The following DPH5 variants were observed in gnomAD, a reference collection of about 807,000 sequenced individuals.
DPH5 encodes the protein diphthine methyl ester synthase.
In DPH5, 31 loss-of-function variants were observed where a neutral mutation model predicts 31.6. The ratio of observed to expected loss-of-function variants is 0.98; its 90% CI spans 0.74 to 1.32. The LOEUF (loss-of-function observed/expected upper bound fraction) is 1.32, where lower values mean the gene tolerates loss of function less well. DPH5 is among the 40% of genes most tolerant of loss of function. The probability of loss-of-function intolerance (pLI) is 0.00; values close to 1 mark genes in which losing one functional copy is unlikely to be tolerated. For missense variants in DPH5, 309 were observed against 335.7 expected, an observed-to-expected ratio of 0.92 and a Z score of 0.62; for synonymous variants, 120 against 115.0, an observed-to-expected ratio of 1.04 and a Z score of -0.28.
intron 7 of DPH5, 26 bp downstream of exon 7, chr1:100,992,608 TATG>T: frequency 1.3e-6 from 2 of 1,513,920 alleles, no homozygotes; most frequent in Middle Eastern, 3.4e-4. Flanking sequence ...AGAGGAATAA[TATG>T]AGAGCCCTTC....
At chr1:101,022,616 A>C (rs1660539941) in intron 2 of DPH5, among the ~76,000 whole-genome samples, 1 of 152,220 alleles carries the variant, frequency 6.6e-6, no homozygotes, top group Non-Finnish European at 1.5e-5. Context: ...ATTCAAATGG[A>C]GTAAAACTGG....
At chr1:101,020,179 C>T (rs941304734) in intron 3 of DPH5, among the ~76,000 whole-genome samples, 3 of 152,132 alleles carry the variant, frequency 2.0e-5, no homozygotes, top group Non-Finnish European at 4.4e-5. Context: ...ATTCTTCCTT[C>T]TACCTTTCTC....
At chr1:101,024,026 G>C (rs546331411) in intron 2 of DPH5, among the ~76,000 whole-genome samples, 1 of 152,238 alleles carries the variant, frequency 6.6e-6, no homozygotes, top group South Asian at 2.1e-4. Flanking sequence ...ACTGATTAGA[G>C]ACGCACATTT....
At chr1:100,998,398 C>T (rs1477259192) in intron 5 of DPH5, among the ~76,000 whole-genome samples, 3 of 151,656 alleles carry the variant, frequency 2.0e-5, no homozygotes, top group Non-Finnish European at 4.4e-5. Flanking sequence ...GTAATCCCAG[C>T]CTCAGGAGGC....
intron 6 of DPH5, among the ~76,000 whole-genome samples, chr1:100,994,580 G>A (rs1456077688): frequency 6.6e-6 from 1 of 151,222 alleles, no homozygotes; most frequent in Non-Finnish European, 1.5e-5. Context: ...AGGCTGGAGT[G>A]CAGTGGCGTG....
chr1:100,997,041 C>A (rs1658413813), intron 5 of DPH5, among the ~76,000 whole-genome samples: 1 of 152,184 alleles, frequency 6.6e-6, no homozygotes, highest in South Asian at 2.1e-4. Flanking sequence ...CATTGTTTAA[C>A]CTTGTTTGTC....
intron 5 of DPH5, among the ~76,000 whole-genome samples, chr1:100,997,367 C>G (rs1394327877): frequency 6.7e-6 from 1 of 149,236 alleles, no homozygotes; most frequent in African/African-American, 2.5e-5. Flanking sequence ...TCCTTCCTAT[C>G]TTTTTTTTTT....
intron 2 of DPH5, 76 bp downstream of exon 2, chr1:101,025,233 C>G (rs1048517152): frequency 6.4e-7 from 1 of 1,558,566 alleles, no homozygotes; most frequent in Non-Finnish European, 8.7e-7. Flanking sequence ...CCTGAAAATT[C>G]TGTTCAGCTT....
chr1:101,001,120 T>C (rs748891747), intron 5 of DPH5, among the ~76,000 whole-genome samples: 3 of 152,220 alleles, frequency 2.0e-5, no homozygotes, highest in Non-Finnish European at 4.4e-5. Flanking sequence ...CCTAGGAAGA[T>C]GCAGGATGGT....
chr1:101,019,622 C>T (rs1400968517), intron 3 of DPH5, among the ~76,000 whole-genome samples: 1 of 152,054 alleles, frequency 6.6e-6, no homozygotes, highest in African/African-American at 2.4e-5. Flanking sequence ...ATATTCCTTA[C>T]CTGATTTCTC....
Position 100,999,115 on chromosome 1 carries a change from G to T in DPH5, c.490+2352C>A, listed in dbSNP as rs11166535. ...CTGTAGATATTAATTTCTATCCTAA[G>T]AAATGCCAATCATTAGTAAAAATGT... On this transcript the variant is annotated intron_variant, in intron 5 of 7. Coordinates refer to ENST00000370109, the MANE Select transcript of DPH5 (RefSeq NM_015958.3). Among the ~76,000 whole-genome samples, 609 of 152,278 alleles carry T rather than the reference G, an allele frequency of 4.0e-3. 1 individual carries two copies. Among genetic ancestry groups the T allele is most frequent in the Non-Finnish European group, 7.2e-3 (492 of 68,012 alleles).
intron 4 of DPH5, among the ~76,000 whole-genome samples, chr1:101,005,847 C>G (rs903047633): frequency 6.6e-6 from 1 of 151,950 alleles, no homozygotes; most frequent in Non-Finnish European, 1.5e-5. Flanking sequence ...GGCTGTGTCC[C>G]CAACCAAATC....
At chr1:101,017,289 T>G (rs919797087) in intron 3 of DPH5, among the ~76,000 whole-genome samples, 1 of 152,210 alleles carries the variant, frequency 6.6e-6, no homozygotes, top group Non-Finnish European at 1.5e-5. Context: ...TCACTCAGTC[T>G]TTATATGAGA....
chr1:101,004,767 G>A (rs1257150888), intron 4 of DPH5, among the ~76,000 whole-genome samples: 2 of 152,180 alleles, frequency 1.3e-5, no homozygotes, highest in Non-Finnish European at 2.9e-5. Flanking sequence ...AAAATACAAG[G>A]CGTAAGCTAG....
chr1:100,994,841 TC>T (rs1204563604), intron 6 of DPH5, among the ~76,000 whole-genome samples: 1 of 152,198 alleles, frequency 6.6e-6, no homozygotes, highest in African/African-American at 2.4e-5. Flanking sequence ...ACCCATGTTT[TC>T]AGAATCCCAA....
chr1:100,992,967 G>A (rs1657918501), intron 6 of DPH5, among the ~76,000 whole-genome samples: 1 of 152,094 alleles, frequency 6.6e-6, no homozygotes, highest in African/African-American at 2.4e-5. Context: ...TGAAATGATG[G>A]CAGGAACACA....
At position 100,992,646 on chromosome 1, in the gene DPH5, C is replaced by A; in HGVS notation, c.625G>T (p.Glu209Ter). Reference sequence around the variant, plus strand: ...CTAGTGTCTTGAGTACCTGGTTCTTCTCCTCGTATTCTTTGATTTTGAACA... The same window carrying A: ...CTAGTGTCTTGAGTACCTGGTTCTTATCCTCGTATTCTTTGATTTTGAACA... ...EIVQNQRIRGEEPAVTEETLC... is the reference protein window; with the variant it reads ...EIVQNQRIRG Residue 209 changes from glutamate to a stop codon, truncating the protein, a stop_gained, in exon 7 of 8, where the codon GAA becomes TAA. Transcript: ENST00000370109. LOFTEE classifies it high-confidence loss of function. The A allele has an allele frequency of 6.2e-7, 1 of 1,613,568 alleles. No individual in the cohort carries two copies. The highest frequency in any genetic ancestry group is 8.5e-7 in the Non-Finnish European group (1 of 1,179,640).
chr1:101,025,762 C>T lies in DPH5; in HGVS notation c.-103G>A, dbSNP rs981760310. ...CTTTCCGCAGAAGCAACTGCAAAAG[C>T]GCCGGCTCCGTGCAGAGAAAAGGCC... is the stretch of plus-strand genomic sequence containing the variant. On this transcript the variant is annotated 5_prime_UTR_variant, in exon 1 of 8. Transcript: ENST00000370109. 1.7e-5 allele frequency: 5 copies of T among 300,362 alleles called. No individual in the cohort carries two copies. Among genetic ancestry groups the T allele is most frequent in the African/African-American group, 6.6e-5 (3 of 45,570 alleles). The allele number at this position is 300,362 out of a possible 1,614,324, so 18.6% of individuals were successfully genotyped here. A position where few individuals can be genotyped will look rare whatever the true frequency, so the allele number is the denominator to read the frequency against.
chr1:101,025,402 G>T lies in DPH5; in HGVS notation c.42C>A (p.Asp14Glu). 1 of 1,614,070 alleles carries T rather than the reference G, an allele frequency of 6.2e-7. No individual in the cohort carries two copies. Among genetic ancestry groups the T allele is most frequent in the East Asian group, 2.2e-5 (1 of 44,898 alleles). ...LIGLGLGDAK[D>E]ITVKGLEVVR... is the part of the protein sequence containing the mutation. ...CAACTTCCAGGCCCTTGACTGTGAT[G>T]TCCTTGGCATCTCCCAGGCCCAACC... Residue 14 changes from aspartate (D) to glutamate (E), a missense_variant, in exon 2 of 8, where the codon GAC becomes GAA. By Grantham distance (45) the Asp-to-Glu change is conservative. Transcript: ENST00000370109.
Sources: allele counts gnomAD v4.1 joint callset (sites outside exome capture counted in the v4.1 genomes callset), GRCh38; gene constraint gnomAD v4.1.1; transcripts MANE v1.5; gene names NCBI Gene and HGNC (gene_info 2026-07-23, HGNC 2026-07-21).